The following PDE4D variants were observed in gnomAD, a reference collection of about 807,000 sequenced individuals.
PDE4D encodes the protein 3',5'-cyclic-AMP phosphodiesterase 4D.
A neutral mutation model predicts 87.4 loss-of-function variants in PDE4D; 24 were observed. That is an observed-to-expected ratio of 0.27 (90% CI 0.20 to 0.39). The LOEUF is 0.39. Ranked by LOEUF, PDE4D falls within the 10% of genes least tolerant of loss-of-function variation. PDE4D has a pLI of 1.00. For synonymous variants in PDE4D, 384 were observed against 383.2 expected (o/e 1.00, Z -0.02); for missense variants, 714 against 1,041.0 (o/e 0.69, Z 4.32).
intron 1 of PDE4D, among the ~76,000 whole-genome samples, chr5:59,742,344 G>T (rs553409747): frequency 6.6e-6 from 1 of 152,154 alleles, no homozygotes; most frequent in Admixed American, 6.5e-5. Context: ...GATTACAGGC[G>T]TGAGCCACTG....
intron 1 of PDE4D, among the ~76,000 whole-genome samples, chr5:59,434,838 A>C (rs1392916380): frequency 1.3e-5 from 2 of 152,190 alleles, no homozygotes. Flanking sequence ...ATTGATAGTA[A>C]CAATAATATT....
chr5:59,248,041 GTAA>G (rs1225813335), intron 1 of PDE4D, among the ~76,000 whole-genome samples: 1,711 of 47,758 alleles, frequency 0.036, 59 homozygotes, highest in African/African-American at 0.11. Flanking sequence ...GTATCTATTA[GTAA>G]AAAAAAAAAA....
intron 1 of PDE4D, among the ~76,000 whole-genome samples, chr5:59,809,664 C>T (rs192469457): frequency 2.0e-5 from 3 of 152,160 alleles, no homozygotes; most frequent in Non-Finnish European, 2.9e-5. Flanking sequence ...GCAGGCGGAG[C>T]TCAAGTTGGA....
At chr5:59,342,357 T>C (rs1347541100) in intron 1 of PDE4D, among the ~76,000 whole-genome samples, 1 of 152,174 alleles carries the variant, frequency 6.6e-6, no homozygotes. Context: ...GCCTCTGATC[T>C]GTATCGTTTC....
At chr5:59,483,265 A>G (rs989398137) in intron 1 of PDE4D, among the ~76,000 whole-genome samples, 3 of 152,148 alleles carry the variant, frequency 2.0e-5, no homozygotes, top group Non-Finnish European at 4.4e-5. Context: ...TAAATTCCTT[A>G]AAATAAATCT....
intron 1 of PDE4D, among the ~76,000 whole-genome samples, chr5:59,561,760 T>C (rs1820032829): frequency 6.6e-6 from 1 of 151,480 alleles, no homozygotes; most frequent in South Asian, 2.1e-4. Flanking sequence ...CAAAAACCCG[T>C]CTCTACTAAA....
chr5:59,713,695 G>A (rs1310599916), intron 1 of PDE4D, among the ~76,000 whole-genome samples: 1 of 152,158 alleles, frequency 6.6e-6, no homozygotes, highest in East Asian at 1.9e-4. Flanking sequence ...GTGCTGCAAG[G>A]GTGAACTCTG....
upstream of PDE4D, among the ~76,000 whole-genome samples, chr5:59,893,991 A>G (rs1157953386): frequency 6.6e-6 from 1 of 151,838 alleles, no homozygotes; most frequent in African/African-American, 2.4e-5. Flanking sequence ...ATTGTCAGCA[A>G]CTCGGGCTGC....
intron 5 of PDE4D, among the ~76,000 whole-genome samples, chr5:59,154,385 G>A (rs1025371717): frequency 2.6e-5 from 4 of 152,216 alleles, no homozygotes; most frequent in Admixed American, 1.3e-4. Context: ...TATTATAGAT[G>A]TGGTTTTATA....
chr5:60,420,466 A>C (rs922498855), intron 1 of PDE4D, among the ~76,000 whole-genome samples: 2 of 152,352 alleles, frequency 1.3e-5, no homozygotes, highest in Middle Eastern at 6.8e-3. Context: ...GCATGCTAAG[A>C]TAACAAGCAA....
At chr5:59,696,949 A>G (rs1205520950) in intron 1 of PDE4D, among the ~76,000 whole-genome samples, 4 of 152,196 alleles carry the variant, frequency 2.6e-5, no homozygotes, top group Admixed American at 2.6e-4. Flanking sequence ...AATAGTTACA[A>G]TCACTGGTAA....
At chr5:59,050,237 A>G (rs1012345766) in intron 5 of PDE4D, among the ~76,000 whole-genome samples, 2 of 152,254 alleles carry the variant, frequency 1.3e-5, no homozygotes, top group African/African-American at 4.8e-5. Flanking sequence ...ACTGCACTCC[A>G]GCCTGGGCAA....
At chr5:59,672,375 T>C (rs1747362248) in intron 1 of PDE4D, among the ~76,000 whole-genome samples, 1 of 152,122 alleles carries the variant, frequency 6.6e-6, no homozygotes, top group Non-Finnish European at 1.5e-5. Context: ...GAGCAAGGAA[T>C]GAAATGAAAA....
intron 5 of PDE4D, among the ~76,000 whole-genome samples, chr5:59,098,129 C>G (rs534237435): frequency 6.6e-6 from 1 of 152,230 alleles, no homozygotes; most frequent in Non-Finnish European, 1.5e-5. Flanking sequence ...AATTTTTGTA[C>G]TAAACATTGG....
intron 1 of PDE4D, among the ~76,000 whole-genome samples, chr5:59,711,875 G>T (rs1400821418): frequency 1.3e-5 from 2 of 151,960 alleles, no homozygotes; most frequent in African/African-American, 4.8e-5. Context: ...AATTTTCTTT[G>T]GTAAGGAAAG....
At chr5:60,497,219 T>C (rs1259681362) in intron 1 of PDE4D, among the ~76,000 whole-genome samples, 1 of 152,138 alleles carries the variant, frequency 6.6e-6, no homozygotes, top group Admixed American at 6.5e-5. Flanking sequence ...TATGAGCACA[T>C]CCATTTCATC....
intron 1 of PDE4D, among the ~76,000 whole-genome samples, chr5:59,498,395 A>G (rs1807621049): frequency 6.6e-6 from 1 of 151,496 alleles, no homozygotes; most frequent in Admixed American, 6.6e-5. Flanking sequence ...GTGTTTTAAC[A>G]TAAAATATTA....
intron 1 of PDE4D, among the ~76,000 whole-genome samples, chr5:60,464,942 C>T (rs1747227488): frequency 6.6e-6 from 1 of 151,622 alleles, no homozygotes; most frequent in Non-Finnish European, 1.5e-5. Context: ...TCTCTATAAA[C>T]TTTTTTTTGT....
chr5:60,060,866 C>T (rs530305636), intron 2 of PDE4D, among the ~76,000 whole-genome samples: 2 of 151,928 alleles, frequency 1.3e-5, no homozygotes, highest in Non-Finnish European at 2.9e-5. Context: ...AAAAGACCTT[C>T]GAAAAAATTC....
Sources: allele counts gnomAD v4.1 joint callset (sites outside exome capture counted in the v4.1 genomes callset), GRCh38; gene constraint gnomAD v4.1.1; transcripts MANE v1.5; gene names NCBI Gene and HGNC (gene_info 2026-07-23, HGNC 2026-07-21).